NUP153: variants seen among roughly 807,000 people sequenced by gnomAD.
NUP153 encodes nuclear pore complex protein Nup153.
In NUP153, 27 loss-of-function variants were observed where a neutral mutation model predicts 134.6. The observed-to-expected ratio is 0.20, with a 90% CI of 0.15 to 0.28. The LOEUF (loss-of-function observed/expected upper bound fraction) is 0.28, where lower values mean the gene tolerates loss of function less well. Among genes scored for constraint, NUP153 ranks in the 10% least tolerant of loss-of-function variants. NUP153 has a pLI of 1.00. For missense variants in NUP153, 1,821 were observed against 1,731.3 expected (o/e 1.05, Z -0.92); for synonymous variants, 640 against 623.5 (o/e 1.03, Z -0.40).
At chr6:17,684,330 C>T (rs1192449840) in intron 2 of NUP153, among the ~76,000 whole-genome samples, 4 of 152,200 alleles carry the variant, frequency 2.6e-5, no homozygotes, top group Admixed American at 6.5e-5. Flanking sequence ...TCACCTTGCC[C>T]TTTTATGTTA....
At chr6:17,679,375 C>T (rs990124819) in intron 2 of NUP153, among the ~76,000 whole-genome samples, 2 of 152,044 alleles carry the variant, frequency 1.3e-5, no homozygotes, top group African/African-American at 2.4e-5. Context: ...AGAAAGAAAA[C>T]AGAAATGGAA....
chr6:17,661,205 T>C (rs546138587), intron 11 of NUP153, among the ~76,000 whole-genome samples: 19 of 152,200 alleles, frequency 1.2e-4, no homozygotes, highest in African/African-American at 3.9e-4. Flanking sequence ...TCCCAGCTAC[T>C]TGCGTGGCTG....
At chr6:17,664,465 C>G (rs1282638448) in intron 9 of NUP153, among the ~76,000 whole-genome samples, 2 of 152,138 alleles carry the variant, frequency 1.3e-5, no homozygotes, top group Non-Finnish European at 2.9e-5. Flanking sequence ...GTATCTGAAC[C>G]TTGCTCGAGT....
chr6:17,690,863 G>A (rs968642243), intron 1 of NUP153, among the ~76,000 whole-genome samples: 18 of 152,172 alleles, frequency 1.2e-4, no homozygotes, highest in African/African-American at 3.9e-4. Flanking sequence ...AAGGTAGCCG[G>A]GCGTGGTGGC....
intron 11 of NUP153, among the ~76,000 whole-genome samples, chr6:17,653,047 G>A (rs1410841827): frequency 1.3e-5 from 2 of 152,090 alleles, no homozygotes; most frequent in African/African-American, 4.8e-5. Flanking sequence ...TAGCTCAGGA[G>A]TTTGAGACCA....
chr6:17,645,482 T>TC (rs894531985), intron 14 of NUP153, among the ~76,000 whole-genome samples: 8 of 142,442 alleles, frequency 5.6e-5, no homozygotes, highest in African/African-American at 1.8e-4. Flanking sequence ...TTTTTTTTTT[T>TC]CGGTAGGGAT....
In NUP153 at chr6:17,690,687, A is replaced by G. The variant is rs536605209; in HGVS notation, c.112-2069T>C. ...TTTCAAAGAAAGAGTCAAAGAAAGG[A>G]AAAAAATGACTCAGTAGGTACAGAA... On this transcript the variant is annotated intron_variant, in intron 1 of 21. Coordinates refer to ENST00000262077, the MANE Select transcript of NUP153 (RefSeq NM_005124.4). Among the ~76,000 whole-genome samples the G allele has an allele frequency of 2.0e-5, 3 of 152,214 alleles. No homozygotes were observed. In the South Asian group the frequency reaches 6.2e-4, roughly 31 times the overall value.
rs1326241344 is a variant in NUP153 at position 17,680,691 on chromosome 6, T to C, written c.335-4921A>G. Among the ~76,000 whole-genome samples, 3 of 152,210 alleles carry C rather than the reference T, an allele frequency of 2.0e-5. No individual in the cohort carries two copies. The highest frequency in any genetic ancestry group is 2.0e-4 in the Admixed American group (3 of 15,270). On this transcript the variant is annotated intron_variant, in intron 2 of 21. Transcript: ENST00000262077. This position sits in a 1 kb window ranked among gnomAD's most constrained non-coding sequence, Gnocchi z 4.5. ...TGGGAGAAAATATCCACAAATTATA[T>C]ATGTGATAAGGGATTAATATCCAGA... is the stretch of plus-strand genomic sequence containing the variant.
rs1253543252 is a variant in NUP153 at position 17,615,880 on chromosome 6, G to C, written c.*217C>G. On this transcript the variant is annotated 3_prime_UTR_variant, in exon 22 of 22. Transcript: ENST00000262077. This position sits in a 1 kb window ranked among gnomAD's most constrained non-coding sequence, Gnocchi z 5.7. ...TGCTGGATCATAAAATATTTTTGCT[G>C]AAGAATCAGTCACCAGTCTAGCTAT... The C allele has an allele frequency of 2.1e-6, 1 of 483,398 alleles. No individual in the cohort carries two copies. The highest frequency in any genetic ancestry group is 3.4e-5 in the South Asian group (1 of 29,556). The allele number at this position is 483,398 out of a possible 1,614,324, so 29.9% of individuals were successfully genotyped here. A position where few individuals can be genotyped will look rare whatever the true frequency, so the allele number is the denominator to read the frequency against.
chr6:17,639,432 T>C (rs1028520600), intron 15 of NUP153, among the ~76,000 whole-genome samples: 1 of 152,174 alleles, frequency 6.6e-6, no homozygotes, highest in Non-Finnish European at 1.5e-5. Flanking sequence ...CATCCTGTTT[T>C]CAAACAAAAA....
At chr6:17,691,155 A>C (rs1769252596) in intron 1 of NUP153, among the ~76,000 whole-genome samples, 1 of 152,144 alleles carries the variant, frequency 6.6e-6, no homozygotes, top group Non-Finnish European at 1.5e-5. Flanking sequence ...CTCAAGAAAA[A>C]AAAAGGAAAG....
chr6:17,659,013 T>C (rs1461450865), intron 11 of NUP153, among the ~76,000 whole-genome samples: 2 of 152,168 alleles, frequency 1.3e-5, no homozygotes, highest in Admixed American at 1.3e-4. Flanking sequence ...AACTGCAATG[T>C]CTGCAGCTGG....
At position 17,706,750 on chromosome 6, in the gene NUP153, C is replaced by G. The variant is rs553610587; in HGVS notation, c.-363G>C. Reference sequence around the variant, plus strand: ...ACTCGACCGCCGACTGGTGGGAGTTCTTCCGTCGCCCTAGCCGTAGCTGCC... The same window carrying G: ...ACTCGACCGCCGACTGGTGGGAGTTGTTCCGTCGCCCTAGCCGTAGCTGCC... On this transcript the variant is annotated 5_prime_UTR_variant, in exon 1 of 22. Coordinates refer to ENST00000262077, the MANE Select transcript of NUP153 (RefSeq NM_005124.4). This position sits in a 1 kb window ranked among gnomAD's most constrained non-coding sequence, Gnocchi z 5.9. The G allele has an allele frequency of 2.8e-4, 66 of 236,524 alleles. No individual in the cohort carries two copies. The South Asian group carries it at 3.4e-3, about 12-fold the overall frequency. The allele number at this position is 236,524 out of a possible 1,614,324, so 14.7% of individuals were successfully genotyped here. A position where few individuals can be genotyped will look rare whatever the true frequency, so the allele number is the denominator to read the frequency against.
intron 20 of NUP153, among the ~76,000 whole-genome samples, chr6:17,620,363 C>T (rs753236826): frequency 4.6e-5 from 7 of 152,080 alleles, no homozygotes; most frequent in Admixed American, 1.3e-4. Context: ...AACTGATTTT[C>T]GACAATGATG....
At chr6:17,666,082 C>G (rs1338649636) in intron 8 of NUP153, among the ~76,000 whole-genome samples, 1 of 151,838 alleles carries the variant, frequency 6.6e-6, no homozygotes, top group Non-Finnish European at 1.5e-5. Context: ...GCCTCAGCCT[C>G]TCAAAGAGTG....
chr6:17,616,290 G>GGGGGGGGGGGGGGGGGCCC, intron 21 of NUP153, 109 bp from the exon 22 acceptor site: 4 of 473,838 alleles, frequency 8.4e-6, no homozygotes, highest in East Asian at 4.5e-5. Flanking sequence ...GGTGGGGGGG[G>GGGGGGGGGGGGGGGGGCCC]AGTAGACTCA....
At chr6:17,659,062 A>C (rs904412362) in intron 11 of NUP153, among the ~76,000 whole-genome samples, 3 of 152,270 alleles carry the variant, frequency 2.0e-5, no homozygotes, top group East Asian at 1.9e-4. Context: ...CTACAACAAC[A>C]CCCAATGGCA....
At chr6:17,658,081 T>C (rs1383288938) in intron 11 of NUP153, among the ~76,000 whole-genome samples, 5 of 152,206 alleles carry the variant, frequency 3.3e-5, no homozygotes. Context: ...CTAATGAACA[T>C]ACAGTGCAGT....
rs1770537107 is a variant in NUP153 at position 17,706,847 on chromosome 6, C to A, written c.-460G>T. On this transcript the variant is annotated 5_prime_UTR_variant, in exon 1 of 22. Transcript: ENST00000262077. The surrounding 1 kb of genome is among the most constrained non-coding windows in gnomAD (Gnocchi z 5.9). ...ACAGCGCCCGCCCCGCCGCCGTCGT[C>A]GTCGTCGTCCCTGCAGCCTCCGCCG... is the stretch of plus-strand genomic sequence containing the variant. The A allele has an allele frequency of 5.8e-6, 1 of 172,346 alleles. No homozygotes were observed. The highest frequency in any genetic ancestry group is 1.1e-4 in the South Asian group (1 of 9,064). The allele number at this position is 172,346 out of a possible 1,614,324, so 10.7% of individuals were successfully genotyped here. A position where few individuals can be genotyped will look rare whatever the true frequency, so the allele number is the denominator to read the frequency against.
Sources: gnomAD v4.1 joint callset for allele counts (sites outside exome capture counted in the v4.1 genomes callset) on GRCh38, gnomAD v4.1.1 for gene constraint, Gnocchi (gnomAD v3.1) non-coding constraint, MANE v1.5 for transcripts, NCBI Gene and HGNC (gene_info 2026-07-23, HGNC 2026-07-21) for gene names.